SYNE2: variants seen among roughly 807,000 people sequenced by gnomAD.
SYNE2 encodes the protein nesprin-2.
In SYNE2, 431 loss-of-function variants were observed where a neutral mutation model predicts 856.3. The ratio of observed to expected loss-of-function variants is 0.50; its 90% confidence interval spans 0.47 to 0.55. SYNE2 has a LOEUF of 0.55. SYNE2 is among the 20% of genes least tolerant of loss of function. The pLI, the probability that SYNE2 is intolerant of heterozygous loss-of-function variation, is 0.00. For synonymous variants in SYNE2, 2,923 were observed against 2,872.3 expected (o/e 1.02, Z -0.56); for missense variants, 8,129 against 8,023.2 (o/e 1.01, Z -0.50).
At chr14:63,790,367 A>G (rs1201464818) in intron 1 of SYNE2, among the ~76,000 whole-genome samples, 1 of 151,966 alleles carries the variant, frequency 6.6e-6, no homozygotes, top group Non-Finnish European at 1.5e-5. Flanking sequence ...AGAAGAAAAG[A>G]AAGAAGGAAG....
At chr14:64,145,264 G>A (rs897100111) in intron 83 of SYNE2, among the ~76,000 whole-genome samples, 2 of 151,814 alleles carry the variant, frequency 1.3e-5, no homozygotes, top group Admixed American at 6.5e-5. Context: ...CAGGCTGGGC[G>A]TGGTGGCTTA....
In SYNE2 at chr14:63,823,698, C is replaced by A. The variant is rs35033077; in HGVS notation, c.-304-28803C>A. Among the ~76,000 whole-genome samples the A allele has an allele frequency of 1.0e-3, 152 of 151,256 alleles. 1 individual carries two copies. In the East Asian group the frequency reaches 0.024, roughly 24 times the overall value. On this transcript the variant is annotated intron_variant, in intron 1 of 23. Coordinates refer to the SYNE2 transcript ENST00000674003. ...ACTCTCAGGCTAGAGTGCAATGGCC[C>A]TATCTCAACTCAATGCAGCCTCAAC...
Position 63,974,861 on chromosome 14 carries a change from T to TGC in SYNE2, c.1129-1701_1129-1700insCG, listed in dbSNP as rs1157347738. 3.4e-4 allele frequency among the ~76,000 whole-genome samples: 7 copies of TGC among 20,774 alleles called. No individual in the cohort carries two copies. The East Asian group carries it at 0.011, about 34-fold the overall frequency. The allele number at this position is 20,774 out of a possible 152,430, so 13.6% of individuals were successfully genotyped here. On this transcript the variant is annotated intron_variant, in intron 11 of 115. Transcript: ENST00000555002. The stretch of plus-strand genomic sequence containing the variant: ...GTGTGTGTGTGTGTACATGTGTGTG[T>TGC]GTGTGTGTGTGTGTGTGTGTGTGTG...
chr14:64,060,256 C>A (rs1168971289), intron 49 of SYNE2, among the ~76,000 whole-genome samples: 1 of 152,154 alleles, frequency 6.6e-6, no homozygotes, highest in African/African-American at 2.4e-5. Context: ...TGTGCTGAGT[C>A]CCACCTGAAG....
In SYNE2 at chr14:64,053,523, T is replaced by G. The variant is rs531451940; in HGVS notation, c.9610T>G (p.Cys3204Gly). 3.1e-6 allele frequency: 5 copies of G among 1,614,198 alleles called. No homozygotes were observed. In the South Asian group the frequency reaches 4.4e-5, roughly 14 times the overall value. Reference sequence around the variant, plus strand: ...TCAGGAGCAAGTTTGGGCAGAAATGTGTAGTATTAAAGCTGTGACTGCTAT... The same window carrying G: ...TCAGGAGCAAGTTTGGGCAGAAATGGGTAGTATTAAAGCTGTGACTGCTAT... The part of the protein sequence containing the change: ...AFQEQVWAEM[C>G]SIKAVTAIEK... The change falls in exon 48 of 116, where the codon TGT becomes GGT. Residue 3204 changes from cysteine (C) to glycine (G), a missense_variant. Transcript: ENST00000555002.
intron 90 of SYNE2, among the ~76,000 whole-genome samples, chr14:64,166,295 C>G (rs1446238604): frequency 1.3e-5 from 2 of 152,110 alleles, no homozygotes; most frequent in Non-Finnish European, 2.9e-5. Flanking sequence ...GCTACAGAGA[C>G]CATATGGCCC....
rs751092033 is a variant in SYNE2 at position 64,142,015 on chromosome 14, A to G, written c.15233A>G (p.Gln5078Arg). 6 of 1,614,044 alleles carry G rather than the reference A, an allele frequency of 3.7e-6. No homozygotes were observed. The highest frequency in any genetic ancestry group is 5.1e-6 in the Non-Finnish European group (6 of 1,180,014). Residue 5078 changes from glutamine to arginine, a missense_variant, in exon 82 of 116, where the codon CAA becomes CGA. Physicochemically the swap from Gln to Arg is conservative, Grantham distance 43. This residue lies in a region of SYNE2 where 5,410 missense variants were observed against 5,284.8 expected (regional missense o/e 1.02). Coordinates refer to ENST00000555002, the MANE Select transcript of SYNE2 (RefSeq NM_182914.3). ...MISWMNNVEH[Q>R]TSDEDSVHSP... ...AGCTGGATGAACAATGTGGAGCATC[A>G]AACTTCAGATGAAGACTCCGTGCAT...
At chr14:64,001,864 G>A (rs1950895077) in intron 28 of SYNE2, 70 bp from the exon 29 acceptor site, 1 of 1,507,780 alleles carries the variant, frequency 6.6e-7, no homozygotes, top group Non-Finnish European at 9.2e-7. Flanking sequence ...TTCAGTAATT[G>A]TGTTAATCAG....
intron 1 of SYNE2, among the ~76,000 whole-genome samples, chr14:63,858,770 A>T (rs990733480): frequency 2.0e-5 from 3 of 152,208 alleles, no homozygotes; most frequent in Non-Finnish European, 4.4e-5. Context: ...GGGGACATTT[A>T]AACCATAGCA....
chr14:64,217,943 T>G (rs1268179877), intron 108 of SYNE2, among the ~76,000 whole-genome samples: 2 of 152,222 alleles, frequency 1.3e-5, no homozygotes, highest in African/African-American at 4.8e-5. Flanking sequence ...GGAGGCAGAT[T>G]CATCCTCTGT....
intron 1 of SYNE2, among the ~76,000 whole-genome samples, chr14:63,830,668 A>G (rs35353466): frequency 2.0e-5 from 3 of 151,800 alleles, no homozygotes; most frequent in Non-Finnish European, 2.9e-5. Context: ...CTCAAAAAAA[A>G]ATTTTAATTA....
In SYNE2 at chr14:64,026,737, G is replaced by C. The variant is rs369461571; in HGVS notation, c.6404+7G>C. On this transcript the variant is annotated splice_region_variant and intron_variant, in intron 42 of 115. Coordinates refer to ENST00000555002, the MANE Select transcript of SYNE2 (RefSeq NM_182914.3). The stretch of plus-strand genomic sequence containing the variant: ...TAGCTAGCACCTACCTAAGGTAAAG[G>C]GCATGCCTGCACCACTTGCATCATA... 18 of 1,601,920 alleles carry C rather than the reference G, an allele frequency of 1.1e-5. No homozygotes were observed. The African/African-American group carries it at 2.4e-4, about 21-fold the overall frequency.
chr14:64,169,726 GA>G (rs1448476016), intron 93 of SYNE2, among the ~76,000 whole-genome samples: 2 of 152,160 alleles, frequency 1.3e-5, no homozygotes, highest in Non-Finnish European at 2.9e-5. Flanking sequence ...GATCTGTACA[GA>G]AAAACATGAC....
intron 2 of SYNE2, among the ~76,000 whole-genome samples, chr14:63,920,914 G>A (rs2095592810): frequency 6.6e-6 from 1 of 151,942 alleles, no homozygotes; most frequent in African/African-American, 2.4e-5. Context: ...AGGAGTTCGA[G>A]ACCAGCCTGG....
intron 1 of SYNE2, among the ~76,000 whole-genome samples, chr14:63,876,861 C>T (rs1177410405): frequency 1.3e-5 from 2 of 152,066 alleles, no homozygotes; most frequent in African/African-American, 4.8e-5. Context: ...TGTTCAGAGC[C>T]TCCCAGTGAG....
At chr14:63,870,233 C>T (rs1171561334) in intron 1 of SYNE2, among the ~76,000 whole-genome samples, 1 of 152,136 alleles carries the variant, frequency 6.6e-6, no homozygotes, top group Non-Finnish European at 1.5e-5. Context: ...CTCCTCCACT[C>T]TCCACCCATA....
intron 1 of SYNE2, among the ~76,000 whole-genome samples, chr14:63,884,702 GTAGGCT>G (rs1007237034): frequency 2.0e-5 from 3 of 152,164 alleles, no homozygotes; most frequent in African/African-American, 7.2e-5. Context: ...GGCCGTGTTT[GTAGGCT>G]TAGGGCCTAT....
intron 1 of SYNE2, among the ~76,000 whole-genome samples, chr14:63,899,871 C>T (rs1399830246): frequency 6.6e-6 from 1 of 152,090 alleles, no homozygotes; most frequent in African/African-American, 2.4e-5. Flanking sequence ...ATAGGATAAT[C>T]CCTATAAATG....
intron 76 of SYNE2, 131 bp from the exon 77 acceptor site, chr14:64,132,134 T>C: frequency 4.6e-6 from 5 of 1,076,366 alleles, no homozygotes; most frequent in Non-Finnish European, 6.7e-6. Context: ...GGCTGGTCAA[T>C]TTGACTCTAC....
Sources: allele counts gnomAD v4.1 joint callset (sites outside exome capture counted in the v4.1 genomes callset), GRCh38; gene constraint gnomAD v4.1.1; regional missense constraint gnomAD v4.1.1; transcripts MANE v1.5; gene names NCBI Gene and HGNC (gene_info 2026-07-23, HGNC 2026-07-21).